NFATC1: variants seen among roughly 807,000 people sequenced by gnomAD.
NFATC1 encodes the protein nuclear factor of activated T cells 1, also known as nuclear factor of activated T-cells, cytoplasmic 1.
NFATC1 carries 22 observed loss-of-function variants against 76.0 expected under a neutral mutation model. The observed-to-expected ratio is 0.29, with a 90% CI of 0.21 to 0.41. The LOEUF (loss-of-function observed/expected upper bound fraction) is 0.41, where lower values mean the gene tolerates loss of function less well. Among genes scored for constraint, NFATC1 ranks in the 10% least tolerant of loss-of-function variants. NFATC1 has a pLI of 1.00. For missense variants in NFATC1, 1,357 were observed against 1,337.7 expected, an observed-to-expected ratio of 1.01 and a Z score of -0.23; for synonymous variants, 704 against 613.1, an observed-to-expected ratio of 1.15 and a Z score of -2.19.
At chr18:79,450,362 A>C (rs2087413999) in intron 4 of NFATC1, among the ~76,000 whole-genome samples, 1 of 150,484 alleles carries the variant, frequency 6.6e-6, no homozygotes, top group Admixed American at 6.6e-5. Flanking sequence ...GCTTTTAAAT[A>C]TAGTGGAAAT....
chr18:79,456,158 C>G (rs1009040176), intron 6 of NFATC1, among the ~76,000 whole-genome samples: 1 of 152,322 alleles, frequency 6.6e-6, no homozygotes, highest in East Asian at 1.9e-4. Context: ...AGGACACTTG[C>G]AAGGACACGG....
Position 79,486,706 on chromosome 18 carries a change from C to T in NFATC1, c.2551C>T (p.Leu851Phe), listed in dbSNP as rs1305686920. The change falls in exon 9 of 10, where the codon CTC (leucine) becomes TTC (phenylalanine). Residue 851 changes from leucine (L) to phenylalanine (F), a missense_variant. Around this residue, in one of 3 missense-constraint regions of NFATC1, gnomAD observed 424 missense variants for 395.4 expected, o/e 1.07. Coordinates refer to ENST00000427363, the MANE Select transcript of NFATC1 (RefSeq NM_001278669.2). ...CTGCCCCAGCAGCCCCTCTCCTCCA[C>T]TCCCGCCTGCCACCCAAGAGCCGAC... ...SLCPSSPSPP[L>F]PPATQEPTCL... The T allele has an allele frequency of 6.9e-6, 11 of 1,597,970 alleles. No individual in the cohort carries two copies. The highest frequency in any genetic ancestry group is 9.4e-6 in the Non-Finnish European group (11 of 1,174,926).
rs574077279 is a variant in NFATC1 at position 79,464,863 on chromosome 18, G to C, written c.1960-2587G>C. ...TGGGGACACAAGTGTGCCCTATTCT[G>C]CCCAGCTAATTTTTAAATTTTTGTA... On this transcript the variant is annotated intron_variant, in intron 7 of 9. Transcript: ENST00000427363. Among the ~76,000 whole-genome samples the C allele has an allele frequency of 1.3e-3, 193 of 151,330 alleles. 1 individual carries two copies. The highest frequency in any genetic ancestry group is 4.4e-3 in the African/African-American group (180 of 41,162).
chr18:79,466,845 C>A (rs1320866064), intron 7 of NFATC1, among the ~76,000 whole-genome samples: 1 of 152,232 alleles, frequency 6.6e-6, no homozygotes, highest in Non-Finnish European at 1.5e-5. Flanking sequence ...GGTTTCGCTG[C>A]AGTCACCTGA....
chr18:79,527,407 G>A lies in NFATC1; in HGVS notation c.2783-121G>A, dbSNP rs1157138869. 1.0e-5 allele frequency: 8 copies of A among 777,110 alleles called. No homozygotes were observed. In the Admixed American group the frequency reaches 1.6e-4, roughly 15 times the overall value. The allele number at this position is 777,110 out of a possible 1,614,324, so 48.1% of individuals were successfully genotyped here. On this transcript the variant is annotated intron_variant, in intron 9 of 9. Coordinates refer to ENST00000427363, the MANE Select transcript of NFATC1 (RefSeq NM_001278669.2). ...GGGTGGGACCGAGGAGGAAATGTGG[G>A]TTCCTGGGGAGATGCCTTGTCACAG...
intron 8 of NFATC1, among the ~76,000 whole-genome samples, chr18:79,484,848 G>C (rs558485568): frequency 1.3e-3 from 198 of 150,120 alleles, no homozygotes; most frequent in Middle Eastern, 3.4e-3. Flanking sequence ...GGACCTGTGC[G>C]GGGGGGGAAG....
At chr18:79,450,416 A>G (rs1429261595) in intron 4 of NFATC1, among the ~76,000 whole-genome samples, 2 of 148,464 alleles carry the variant, frequency 1.3e-5, no homozygotes, top group East Asian at 1.9e-4. Flanking sequence ...TATATTTTAT[A>G]TAATTATAAA....
chr18:79,434,174 C>T lies in NFATC1; in HGVS notation c.1386+436C>T, dbSNP rs771734517. On this transcript the variant is annotated intron_variant, in intron 3 of 9. Coordinates refer to ENST00000427363, the MANE Select transcript of NFATC1 (RefSeq NM_001278669.2). ...TCTGGGCTTGGGTGCTGGGGGGCAC[C>T]AGGGCTCAAGGTGCTCCCCGAGGAG... Among the ~76,000 whole-genome samples, 15 of 152,374 alleles carry T rather than the reference C, an allele frequency of 9.8e-5. No homozygotes were observed. The South Asian group carries it at 1.2e-3, about 13-fold the overall frequency.
chr18:79,439,621 G>A (rs751846281), intron 3 of NFATC1, among the ~76,000 whole-genome samples: 3 of 152,220 alleles, frequency 2.0e-5, no homozygotes, highest in Non-Finnish European at 4.4e-5. Flanking sequence ...CACATACGCC[G>A]TTGTTCCCGC....
At chr18:79,475,018 C>CTG in intron 8 of NFATC1, among the ~76,000 whole-genome samples, 1 of 128,652 alleles carries the variant, frequency 7.8e-6, no homozygotes, top group African/African-American at 3.3e-5. Context: ...CGACGTAAAC[C>CTG]TGAGGGAAGC....
chr18:79,480,610 C>T (rs1442523042), intron 8 of NFATC1, among the ~76,000 whole-genome samples: 3 of 152,142 alleles, frequency 2.0e-5, no homozygotes, highest in African/African-American at 7.2e-5. Context: ...GCCGGTACCA[C>T]CGCGGTTTTA....
At chr18:79,516,844 G>A (rs973636528) in intron 9 of NFATC1, among the ~76,000 whole-genome samples, 8 of 152,124 alleles carry the variant, frequency 5.3e-5, no homozygotes, top group Admixed American at 5.2e-4. Context: ...CTAATTTGTG[G>A]CTTTAACCAT....
At chr18:79,432,534 C>T (rs2086636774) in intron 2 of NFATC1, among the ~76,000 whole-genome samples, 1 of 152,250 alleles carries the variant, frequency 6.6e-6, no homozygotes, top group Non-Finnish European at 1.5e-5. Flanking sequence ...TTGGCCCCTG[C>T]AGTAGGCAGT....
At chr18:79,429,477 C>G (rs564679790) in intron 2 of NFATC1, among the ~76,000 whole-genome samples, 20 of 152,222 alleles carry the variant, frequency 1.3e-4, no homozygotes, top group Non-Finnish European at 2.9e-4. Flanking sequence ...GAGCTTAGGG[C>G]TTCAGCAAGC....
At chr18:79,402,888 G>A (rs1449644714) in intron 1 of NFATC1, among the ~76,000 whole-genome samples, 5 of 152,224 alleles carry the variant, frequency 3.3e-5, no homozygotes, top group African/African-American at 9.6e-5. Flanking sequence ...ACTACTTCAC[G>A]TTGTTTCTGG....
chr18:79,481,988 C>G (rs1600874077), intron 8 of NFATC1, among the ~76,000 whole-genome samples: 1 of 138,848 alleles, frequency 7.2e-6, no homozygotes, highest in East Asian at 2.2e-4. Flanking sequence ...CCAGCGTGAC[C>G]TGGTCCTGGG....
intron 8 of NFATC1, among the ~76,000 whole-genome samples, chr18:79,484,327 C>T (rs2089432841): frequency 6.6e-6 from 1 of 152,072 alleles, no homozygotes. Context: ...GCTTTATGGG[C>T]CCTGGTCAGT....
intron 3 of NFATC1, among the ~76,000 whole-genome samples, chr18:79,436,536 G>A (rs893024986): frequency 2.6e-5 from 4 of 152,174 alleles, no homozygotes; most frequent in African/African-American, 9.7e-5. Flanking sequence ...TCCCGCACCC[G>A]GCGTCCGCGT....
At chr18:79,517,080 A>G (rs1242421018) in intron 9 of NFATC1, among the ~76,000 whole-genome samples, 1 of 152,210 alleles carries the variant, frequency 6.6e-6, no homozygotes, top group Non-Finnish European at 1.5e-5. Context: ...TGGCGTTCTT[A>G]CTCCAAGAAT....
Sources: allele counts gnomAD v4.1 joint callset (sites outside exome capture counted in the v4.1 genomes callset), GRCh38; gene constraint gnomAD v4.1.1; regional missense constraint gnomAD v4.1.1; transcripts MANE v1.5; gene names NCBI Gene and HGNC (gene_info 2026-07-23, HGNC 2026-07-21).